Variants in TNRC6B observed in about 807,000 individuals in gnomAD.
The protein encoded by TNRC6B is trinucleotide repeat containing adaptor 6B.
In TNRC6B, 52 loss-of-function variants were observed where a neutral mutation model predicts 203.6. The observed-to-expected ratio is 0.26, with a 90% CI of 0.20 to 0.32. The LOEUF (loss-of-function observed/expected upper bound fraction) is 0.32, where lower values mean the gene tolerates loss of function less well. Among genes scored for constraint, TNRC6B ranks in the 10% least tolerant of loss-of-function variants. TNRC6B has a pLI of 1.00. For synonymous variants in TNRC6B, 838 were observed against 845.7 expected (o/e 0.99, Z 0.16); for missense variants, 1,923 against 2,286.2 (o/e 0.84, Z 3.24).
upstream of TNRC6B, among the ~76,000 whole-genome samples, chr22:40,176,046 A>C (rs1182151178): frequency 3.9e-5 from 6 of 152,050 alleles, no homozygotes; most frequent in African/African-American, 1.4e-4. Context: ...TTTATGGGAG[A>C]AGCACACTAG....
chr22:40,174,774 G>A (rs543296148), upstream of TNRC6B, among the ~76,000 whole-genome samples: 9 of 149,184 alleles, frequency 6.0e-5, no homozygotes, highest in Admixed American at 3.3e-4. Flanking sequence ...GCAGTAAGCC[G>A]AGATAGCACC....
At chr22:40,267,071 A>G (rs1223422970) in intron 5 of TNRC6B, 35 bp downstream of exon 5, 1 of 1,496,200 alleles carries the variant, frequency 6.7e-7, no homozygotes, top group Non-Finnish European at 8.9e-7. Flanking sequence ...CTTTTGATGA[A>G]GAAAAGGAAT....
intron 12 of TNRC6B, among the ~76,000 whole-genome samples, chr22:40,289,567 T>G (rs894853760): frequency 6.6e-6 from 1 of 152,282 alleles, no homozygotes; most frequent in East Asian, 1.9e-4. Flanking sequence ...TGTGTTTGGC[T>G]TTTGGACACC....
intron 4 of TNRC6B, among the ~76,000 whole-genome samples, chr22:40,159,026 A>G (rs1348653582): frequency 1.3e-5 from 2 of 151,912 alleles, no homozygotes; most frequent in Non-Finnish European, 2.9e-5. Flanking sequence ...GCAGTGGCAC[A>G]GTCTCGGCTC....
chr22:40,132,485 AAGGCG>A (rs869284089), intron 3 of TNRC6B, among the ~76,000 whole-genome samples: 5 of 138,736 alleles, frequency 3.6e-5, no homozygotes, highest in African/African-American at 1.3e-4. Flanking sequence ...CATCTCAATA[AAGGCG>A]AGGCGAGGGC....
intron 2 of TNRC6B, among the ~76,000 whole-genome samples, chr22:40,250,433 C>A (rs138977392): frequency 2.0e-5 from 3 of 152,156 alleles, no homozygotes; most frequent in Admixed American, 6.5e-5. Context: ...TTTCCATAGA[C>A]GTATTAGTTA....
intron 1 of TNRC6B, among the ~76,000 whole-genome samples, chr22:40,206,512 T>C (rs1333146810): frequency 1.3e-5 from 2 of 152,254 alleles, no homozygotes; most frequent in Non-Finnish European, 2.9e-5. Context: ...ATGTCAATTC[T>C]TCTTGAATTG....
intron 1 of TNRC6B, among the ~76,000 whole-genome samples, chr22:40,111,101 G>A (rs764370216): frequency 1.8e-4 from 28 of 152,154 alleles, no homozygotes; most frequent in Admixed American, 3.3e-4. Flanking sequence ...TGAGAAGAGG[G>A]AGTCAGGAAA....
intron 4 of TNRC6B, among the ~76,000 whole-genome samples, chr22:40,161,962 A>T (rs1364083166): frequency 1.3e-5 from 2 of 152,190 alleles, no homozygotes; most frequent in Non-Finnish European, 2.9e-5. Flanking sequence ...TTGCTCATAG[A>T]TTGTGTTTGA....
chr22:40,137,418 A>G (rs1478071505), intron 3 of TNRC6B, among the ~76,000 whole-genome samples: 1 of 152,212 alleles, frequency 6.6e-6, no homozygotes, highest in African/African-American at 2.4e-5. Context: ...CGGCAGAGTA[A>G]TCAGCTGTTT....
At position 40,265,554 on chromosome 22, in the gene TNRC6B, A is replaced by C; in HGVS notation, c.1324A>C (p.Asn442His). The change falls in exon 5 of 23, where the codon AAT becomes CAT. Residue 442 changes from asparagine to histidine, a missense_variant. This residue lies in a region of TNRC6B where 614 missense variants were observed against 587.7 expected (regional missense o/e 1.04). Transcript: ENST00000454349. ...AACTGACACAGTCTCTGGACAAAGC[A>C]ATTCTGGAAACAATGGGAACAATGG... ...SGTDTVSGQSNSGNNGNNGKE... is the reference protein window; with the variant it reads ...SGTDTVSGQSHSGNNGNNGKE... 6.2e-7 allele frequency: 1 copy of C among 1,613,882 alleles called. No homozygotes were observed. The highest frequency in any genetic ancestry group is 8.5e-7 in the Non-Finnish European group (1 of 1,179,824).
Position 40,331,693 on chromosome 22 carries a change from G to A in TNRC6B, c.*8452G>A. ...TTTCAAAAAAAAAAGTCCCACATGTGGTCATCGTCGCTTCTTTATGTTGTA... is the reference window on the plus strand; with the variant it reads ...TTTCAAAAAAAAAAGTCCCACATGTAGTCATCGTCGCTTCTTTATGTTGTA... On this transcript the variant is annotated 3_prime_UTR_variant, in exon 23 of 23. Coordinates refer to ENST00000454349, the MANE Select transcript of TNRC6B (RefSeq NM_001162501.2). 3.5e-6 allele frequency: 1 copy of A among 284,678 alleles called. No individual in the cohort carries two copies. The highest frequency in any genetic ancestry group is 6.3e-6 in the Non-Finnish European group (1 of 158,406). The allele number at this position is 284,678 out of a possible 1,614,324, so 17.6% of individuals were successfully genotyped here.
intron 15 of TNRC6B, among the ~76,000 whole-genome samples, chr22:40,303,259 C>T (rs1269457992): frequency 6.6e-6 from 1 of 151,972 alleles, no homozygotes; most frequent in Non-Finnish European, 1.5e-5. Flanking sequence ...CTCCTGACCT[C>T]AGGTGATCTG....
At chr22:40,242,796 C>G (rs1049846573) in intron 1 of TNRC6B, among the ~76,000 whole-genome samples, 6 of 151,992 alleles carry the variant, frequency 3.9e-5, no homozygotes, top group Admixed American at 2.0e-4. Context: ...CATCACCACC[C>G]CCATGGACGC....
intron 1 of TNRC6B, among the ~76,000 whole-genome samples, chr22:40,083,609 T>TG (rs1313546042): frequency 7.9e-5 from 12 of 152,116 alleles, no homozygotes; most frequent in African/African-American, 2.9e-4. Flanking sequence ...TGTATGCACG[T>TG]GGGGGTGATC....
intron 1 of TNRC6B, among the ~76,000 whole-genome samples, chr22:40,202,408 T>G (rs2069426337): frequency 6.6e-6 from 1 of 152,064 alleles, no homozygotes; most frequent in Non-Finnish European, 1.5e-5. Context: ...ACAAATAGAT[T>G]GTGGTTTTCT....
intron 1 of TNRC6B, among the ~76,000 whole-genome samples, chr22:40,091,093 TGCCTCA>T (rs2068147091): frequency 6.6e-6 from 1 of 152,118 alleles, no homozygotes; most frequent in Admixed American, 6.5e-5. Flanking sequence ...GCCATTCTCC[TGCCTCA>T]GCCTCCTGAA....
At chr22:40,258,126 A>G (rs2070313349) in intron 3 of TNRC6B, among the ~76,000 whole-genome samples, 1 of 77,948 alleles carries the variant, frequency 1.3e-5, no homozygotes, top group South Asian at 3.7e-4. Context: ...TTATTTCCCT[A>G]TAGTACTGAG....
chr22:40,218,011 C>T lies in TNRC6B; in HGVS notation c.6-28004C>T, dbSNP rs1331786393. ...AAAAATTACTGAAATAAGCACAGAA[C>T]CCTCCAAGGTAACTGCTTTAAAGAG... On this transcript the variant is annotated intron_variant, in intron 1 of 22. Transcript: ENST00000454349. Among the ~76,000 whole-genome samples the T allele has an allele frequency of 3.3e-5, 5 of 150,224 alleles. 1 individual carries two copies. The highest frequency in any genetic ancestry group is 3.0e-5 in the Non-Finnish European group (2 of 67,582).
Sources: allele counts gnomAD v4.1 joint callset (sites outside exome capture counted in the v4.1 genomes callset), GRCh38; gene constraint gnomAD v4.1.1; regional missense constraint gnomAD v4.1.1; transcripts MANE v1.5; gene names NCBI Gene and HGNC (gene_info 2026-07-23, HGNC 2026-07-21).